The following UBR3 variants were observed in gnomAD, a reference collection of about 807,000 sequenced individuals.
The protein encoded by UBR3 is E3 ubiquitin-protein ligase UBR3.
Under a neutral mutation model 243.2 loss-of-function variants are expected in UBR3, and 85 were observed. The observed-to-expected ratio is 0.35, with a 90% CI of 0.29 to 0.42. The LOEUF (loss-of-function observed/expected upper bound fraction) is 0.42. UBR3 is among the 10% of genes least tolerant of loss of function. UBR3 has a pLI of 1.00. For missense variants in UBR3, 1,686 were observed against 2,300.8 expected (o/e 0.73, Z 5.47); for synonymous variants, 748 against 799.8 (o/e 0.94, Z 1.09).
At chr2:169,934,048 T>G (rs1404994960) in intron 19 of UBR3, among the ~76,000 whole-genome samples, 1 of 152,236 alleles carries the variant, frequency 6.6e-6, no homozygotes, top group South Asian at 2.1e-4. Flanking sequence ...GCTTGTAGTC[T>G]TTTACTTAAC....
chr2:169,986,569 G>T, intron 24 of UBR3, 76 bp from the exon 25 acceptor site: 1 of 1,448,344 alleles, frequency 6.9e-7, no homozygotes, highest in South Asian at 1.4e-5. Flanking sequence ...GTTTGAACTT[G>T]ATTTTTCTCT....
At chr2:169,870,908 C>T (rs1366694067) in intron 1 of UBR3, among the ~76,000 whole-genome samples, 1 of 151,686 alleles carries the variant, frequency 6.6e-6, no homozygotes, top group Non-Finnish European at 1.5e-5. Context: ...CCGGCCTTGG[C>T]CTCCCAAAGT....
At chr2:169,951,678 A>G (rs1187838743) in intron 23 of UBR3, among the ~76,000 whole-genome samples, 1 of 152,038 alleles carries the variant, frequency 6.6e-6, no homozygotes, top group East Asian at 1.9e-4. Context: ...ATATAGGGTA[A>G]TTACATGAGG....
intron 11 of UBR3, among the ~76,000 whole-genome samples, chr2:169,919,911 A>C (rs1347012053): frequency 1.3e-5 from 2 of 152,210 alleles, no homozygotes; most frequent in African/African-American, 4.8e-5. Flanking sequence ...GCGATTCCTC[A>C]GGGATCTAGA....
At position 170,055,072 on chromosome 2, in the gene UBR3, G is replaced by A. The variant is rs1311182138; in HGVS notation, c.4661-388G>A. Among the ~76,000 whole-genome samples the A allele has an allele frequency of 2.6e-5, 4 of 152,290 alleles. No individual in the cohort carries two copies. The East Asian group carries it at 5.8e-4, about 22-fold the overall frequency. ...AGCTCTTTGGGAGGCTGCAGTGGGAGGATTGCTTGAGCCCAAGGAATTTGA... is the reference window on the plus strand; with the variant it reads ...AGCTCTTTGGGAGGCTGCAGTGGGAAGATTGCTTGAGCCCAAGGAATTTGA... On this transcript the variant is annotated intron_variant, in intron 32 of 38. Coordinates refer to ENST00000272793, the MANE Select transcript of UBR3 (RefSeq NM_172070.4).
chr2:170,016,419 G>A (rs527504068), intron 30 of UBR3, among the ~76,000 whole-genome samples: 5 of 151,778 alleles, frequency 3.3e-5, no homozygotes, highest in Admixed American at 6.6e-5. Context: ...AGTAAAAATT[G>A]ACCCCTTTAT....
At position 169,852,688 on chromosome 2, in the gene UBR3, CA is replaced by C. The variant is rs34608160; in HGVS notation, c.546-19532del. Among the ~76,000 whole-genome samples, 501 of 99,340 alleles carry C rather than the reference CA, an allele frequency of 5.0e-3. 1 individual carries two copies. Among genetic ancestry groups the C allele is most frequent in the Middle Eastern group, 0.011 (2 of 186 alleles). The allele number at this position is 99,340 out of a possible 152,430, so 65.2% of individuals were successfully genotyped here. On this transcript the variant is annotated intron_variant, in intron 1 of 38. Coordinates refer to ENST00000272793, the MANE Select transcript of UBR3 (RefSeq NM_172070.4). ...TGAAGCCCTGTCTCTACTAAAAATA[CA>C]AAAAAAAAAAAAAAAGCTGGGTGTG...
intron 1 of UBR3, among the ~76,000 whole-genome samples, chr2:169,846,175 C>T (rs941606285): frequency 2.0e-5 from 3 of 152,048 alleles, no homozygotes; most frequent in Non-Finnish European, 2.9e-5. Flanking sequence ...CAAATATAAC[C>T]GTGGATTTGT....
intron 11 of UBR3, among the ~76,000 whole-genome samples, chr2:169,923,210 C>T (rs1421898638): frequency 2.6e-5 from 4 of 152,066 alleles, no homozygotes; most frequent in African/African-American, 7.2e-5. Context: ...GAGGCTGGTG[C>T]GTTTGGTACT....
intron 1 of UBR3, among the ~76,000 whole-genome samples, chr2:169,864,906 CAAAAAAAAAAAAAA>C (rs11336906): frequency 4.9e-4 from 32 of 64,834 alleles, no homozygotes; most frequent in African/African-American, 1.3e-3. Context: ...GACTCCGTCT[CAAAAAAAAAAAAAA>C]AAAAAAAAAG....
At chr2:169,831,504 G>T (rs1263382604) in intron 1 of UBR3, among the ~76,000 whole-genome samples, 1 of 152,044 alleles carries the variant, frequency 6.6e-6, no homozygotes, top group Non-Finnish European at 1.5e-5. Flanking sequence ...CAGAGCTATT[G>T]CCTGTATGTG....
chr2:169,960,922 C>G (rs1200073758), intron 24 of UBR3, among the ~76,000 whole-genome samples: 1 of 152,086 alleles, frequency 6.6e-6, no homozygotes, highest in Admixed American at 6.6e-5. Context: ...TCCTGGACCC[C>G]TTCAAAGAGA....
In UBR3 at chr2:170,082,877, T is replaced by A. The variant is rs1384532574; in HGVS notation, c.*1034T>A. 1.3e-5 allele frequency: 2 copies of A among 152,458 alleles called. No individual in the cohort carries two copies. Among genetic ancestry groups the A allele is most frequent in the African/African-American group, 4.8e-5 (2 of 41,458 alleles). 9.4% of individuals were successfully genotyped at this position (152,458 alleles called of 1,614,324 possible). On this transcript the variant is annotated 3_prime_UTR_variant, in exon 39 of 39. Transcript: ENST00000272793. ...AAAGGCGCAGTGGTGATGACCCTCATGAATGAGCCACGCTTCTGCATTCTT... is the reference window on the plus strand; with the variant it reads ...AAAGGCGCAGTGGTGATGACCCTCAAGAATGAGCCACGCTTCTGCATTCTT...
At chr2:169,927,103 A>ATATGT in intron 16 of UBR3, 132 bp downstream of exon 16, 1 of 1,208,984 alleles carries the variant, frequency 8.3e-7, no homozygotes, top group Non-Finnish European at 1.1e-6. Flanking sequence ...CAAACTCTTG[A>ATATGT]TATGTTGTAC....
In UBR3 at chr2:169,895,189, A is replaced by G. The variant is rs1356733212; in HGVS notation, c.1114A>G (p.Ile372Val). ...KLSSGTKDQSIMDVLKHKSFL... is the reference protein window; with the variant it reads ...KLSSGTKDQSVMDVLKHKSFL... ...TCATTTTTCATGTGCAGATCAATCC[A>G]TAATGGATGTTTTGAAGCATAAAAG... Residue 372 changes from isoleucine to valine, a missense_variant, in exon 7 of 39, where the codon ATA (isoleucine) becomes GTA (valine). Physicochemically the swap from Ile to Val is conservative, Grantham distance 29. Transcript: ENST00000272793. 6.6e-7 allele frequency: 1 copy of G among 1,524,122 alleles called. No homozygotes were observed. The highest frequency in any genetic ancestry group is 1.4e-5 in the African/African-American group (1 of 70,912). The allele number at this position is 1,524,122 out of a possible 1,614,324, so 94.4% of individuals were successfully genotyped here.
At chr2:169,861,600 CTG>C (rs1272998046) in intron 1 of UBR3, among the ~76,000 whole-genome samples, 1 of 137,218 alleles carries the variant, frequency 7.3e-6, no homozygotes, top group Non-Finnish European at 1.5e-5. Context: ...GAGCAAGACT[CTG>C]TCTCAAAAAA....
At chr2:170,016,881 G>A in intron 30 of UBR3, 2 of 847,838 alleles carry the variant, frequency 2.4e-6, no homozygotes, top group South Asian at 2.8e-5. Flanking sequence ...ATTATACTGT[G>A]CCAATATAGA....
chr2:170,065,220 C>A (rs928730409), intron 35 of UBR3, among the ~76,000 whole-genome samples: 6 of 152,152 alleles, frequency 3.9e-5, no homozygotes, highest in Non-Finnish European at 7.4e-5. Context: ...TTGGAATTAT[C>A]TTCAATTTAT....
At chr2:169,950,178 T>C in intron 23 of UBR3, 113 bp downstream of exon 23, 1 of 970,408 alleles carries the variant, frequency 1.0e-6, no homozygotes, top group Non-Finnish European at 1.5e-6. Flanking sequence ...CAGTCATAGC[T>C]GATTAGTTTG....
Sources: gnomAD v4.1 joint callset for allele counts (sites outside exome capture counted in the v4.1 genomes callset) on GRCh38, gnomAD v4.1.1 for gene constraint, MANE v1.5 for transcripts, NCBI Gene and HGNC (gene_info 2026-07-23, HGNC 2026-07-21) for gene names.